The following ARHGAP5 variants were observed in gnomAD, a reference collection of about 807,000 sequenced individuals.
ARHGAP5 encodes Rho GTPase activating protein 5.
In ARHGAP5, 23 loss-of-function variants were observed where a neutral mutation model predicts 116.6. That is an observed-to-expected ratio of 0.20 (90% confidence interval 0.14 to 0.28). The LOEUF is 0.28. ARHGAP5 is among the 10% of genes least tolerant of loss of function. The pLI is 1.00. For missense variants in ARHGAP5, 1,405 were observed against 1,774.8 expected, an observed-to-expected ratio of 0.79 and a Z score of 3.74; for synonymous variants, 574 against 602.0, an observed-to-expected ratio of 0.95 and a Z score of 0.68.
intron 2 of ARHGAP5, among the ~76,000 whole-genome samples, chr14:32,096,384 A>G (rs1878529735): frequency 6.6e-6 from 1 of 152,324 alleles, no homozygotes; most frequent in African/African-American, 2.4e-5. Context: ...AGACCGTATG[A>G]AAAGTAAAGG....
At position 32,154,981 on chromosome 14, in the gene ARHGAP5, A is replaced by G. The variant is rs1425794430; in HGVS notation, c.*33A>G. 3.8e-6 allele frequency: 6 copies of G among 1,574,824 alleles called. No individual in the cohort carries two copies. The highest frequency in any genetic ancestry group is 4.3e-6 in the Non-Finnish European group (5 of 1,153,198). On this transcript the variant is annotated 3_prime_UTR_variant, in exon 7 of 7. Coordinates refer to ENST00000345122, the MANE Select transcript of ARHGAP5 (RefSeq NM_001030055.2). ...GTGATTGCAAACAGGCTGGATTTGGACAAAAAGCAAATCTAGACATGCATG... is the reference window on the plus strand; with the variant it reads ...GTGATTGCAAACAGGCTGGATTTGGGCAAAAAGCAAATCTAGACATGCATG...
chr14:32,150,420 A>G (rs1881586414), intron 5 of ARHGAP5, among the ~76,000 whole-genome samples: 1 of 152,244 alleles, frequency 6.6e-6, no homozygotes, highest in African/African-American at 2.4e-5. Context: ...ACAGAATACT[A>G]CAGACTGCAT....
At chr14:32,097,116 A>C (rs1448127870) in intron 2 of ARHGAP5, among the ~76,000 whole-genome samples, 3 of 152,196 alleles carry the variant, frequency 2.0e-5, no homozygotes, top group Admixed American at 1.3e-4. Flanking sequence ...GGATGCTGAC[A>C]CTCAGTTTGC....
chr14:32,128,282 G>A (rs556908658), intron 3 of ARHGAP5, among the ~76,000 whole-genome samples: 3 of 152,328 alleles, frequency 2.0e-5, no homozygotes, highest in African/African-American at 4.8e-5. Context: ...ATGGGGTGGC[G>A]GCCGGGCAGA....
chr14:32,131,018 A>G (rs1347165089), intron 3 of ARHGAP5, among the ~76,000 whole-genome samples: 1 of 152,178 alleles, frequency 6.6e-6, no homozygotes, highest in Non-Finnish European at 1.5e-5. Context: ...ACGGCATGAC[A>G]CTTCACCTCC....
Position 32,159,486 on chromosome 14 carries a change from T to C in ARHGAP5, c.*4538T>C, listed in dbSNP as rs1882022932. The C allele has an allele frequency of 6.6e-6, 1 of 152,184 alleles. No homozygotes were observed. 9.4% of individuals were successfully genotyped at this position (152,184 alleles called of 1,614,324 possible). A position where few individuals can be genotyped will look rare whatever the true frequency, so the allele number is the denominator to read the frequency against. ...TTATGTGGGTTTAGTAATTGACCTA[T>C]TTATTCATTGCTTCACTAATTCATC... is the stretch of plus-strand genomic sequence containing the variant. On this transcript the variant is annotated 3_prime_UTR_variant, in exon 7 of 7. Transcript: ENST00000345122.
chr14:32,130,902 A>C (rs981208941), intron 3 of ARHGAP5, among the ~76,000 whole-genome samples: 3 of 152,178 alleles, frequency 2.0e-5, no homozygotes, highest in African/African-American at 7.2e-5. Context: ...ATGATTGAGC[A>C]TTTGTTTACC....
intron 2 of ARHGAP5, among the ~76,000 whole-genome samples, chr14:32,104,604 C>A (rs1158954256): frequency 6.6e-6 from 1 of 152,148 alleles, no homozygotes; most frequent in African/African-American, 2.4e-5. Context: ...TTCTTTCTTA[C>A]ACCAGTGTGT....
At chr14:32,124,016 C>T (rs925426484) in intron 3 of ARHGAP5, among the ~76,000 whole-genome samples, 1 of 152,072 alleles carries the variant, frequency 6.6e-6, no homozygotes, top group Non-Finnish European at 1.5e-5. Flanking sequence ...TCTGCATATC[C>T]GATACTCTTT....
chr14:32,082,995 T>A (rs553274048), intron 1 of ARHGAP5, among the ~76,000 whole-genome samples: 20 of 152,364 alleles, frequency 1.3e-4, no homozygotes, highest in African/African-American at 4.6e-4. Context: ...TTGTTTTCCC[T>A]TGAGACCTAG....
intron 2 of ARHGAP5, among the ~76,000 whole-genome samples, chr14:32,110,639 AT>A (rs1164153067): frequency 3.3e-5 from 5 of 152,198 alleles, no homozygotes; most frequent in Non-Finnish European, 7.3e-5. Flanking sequence ...GTACATGTCT[AT>A]TCAAGGAGCC....
chr14:32,120,114 G>GT (rs1879808041), intron 3 of ARHGAP5, among the ~76,000 whole-genome samples: 4 of 152,004 alleles, frequency 2.6e-5, no homozygotes. Context: ...TTTAATTTAA[G>GT]TTTCTTTAGT....
intron 3 of ARHGAP5, among the ~76,000 whole-genome samples, chr14:32,136,087 G>A (rs1405790934): frequency 1.3e-5 from 2 of 152,182 alleles, no homozygotes. Flanking sequence ...ACTAGTTCTT[G>A]TTTTGTTTTT....
At chr14:32,114,795 G>A (rs530680776) in intron 2 of ARHGAP5, among the ~76,000 whole-genome samples, 49 of 152,264 alleles carry the variant, frequency 3.2e-4, no homozygotes, top group African/African-American at 1.2e-3. Flanking sequence ...ATACATTGAA[G>A]TATGCATTCA....
At position 32,093,114 on chromosome 14, in the gene ARHGAP5, C is replaced by T. The variant is rs756332483; in HGVS notation, c.2445C>T (p.Ser815=). 1.2e-6 allele frequency: 2 copies of T among 1,613,858 alleles called. No individual in the cohort carries two copies. The highest frequency in any genetic ancestry group is 1.7e-6 in the Non-Finnish European group (2 of 1,179,886). Residue 815 remains serine (S), a synonymous_variant, in exon 2 of 7, where the codon TCC becomes TCT. Coordinates refer to ENST00000345122, the MANE Select transcript of ARHGAP5 (RefSeq NM_001030055.2). The part of the protein sequence containing the change: ...CSAAQAGQNN[S]LMLDKIIGEK... ...CTGCTCAAGCTGGACAGAATAATTC[C>T]CTAATGCTTGATAAAATCATTGGTG...
intron 3 of ARHGAP5, among the ~76,000 whole-genome samples, chr14:32,138,598 T>G (rs1193311881): frequency 2.6e-5 from 4 of 152,318 alleles, no homozygotes; most frequent in South Asian, 4.1e-4. Context: ...CTTACTAGTA[T>G]TTTTTGTGGA....
intron 3 of ARHGAP5, among the ~76,000 whole-genome samples, chr14:32,126,272 G>A (rs939907032): frequency 2.6e-5 from 4 of 151,952 alleles, no homozygotes; most frequent in African/African-American, 7.3e-5. Context: ...AGTTCTGAAC[G>A]CTAGAAGTCT....
At chr14:32,077,938 C>A (rs1027456881) in intron 1 of ARHGAP5, among the ~76,000 whole-genome samples, 2 of 152,096 alleles carry the variant, frequency 1.3e-5, no homozygotes, top group Non-Finnish European at 2.9e-5. Flanking sequence ...GGGGATCGGC[C>A]CTTTCACTTT....
chr14:32,110,407 A>G (rs1879233674), intron 2 of ARHGAP5, among the ~76,000 whole-genome samples: 1 of 151,600 alleles, frequency 6.6e-6, no homozygotes, highest in African/African-American at 2.4e-5. Context: ...CTGTCCTTCC[A>G]TCTCAGCCTC....
Sources: gnomAD v4.1 joint callset for allele counts (sites outside exome capture counted in the v4.1 genomes callset) on GRCh38, gnomAD v4.1.1 for gene constraint, MANE v1.5 for transcripts, NCBI Gene and HGNC (gene_info 2026-07-23, HGNC 2026-07-21) for gene names.